CNTNAP5: variants seen among roughly 807,000 people sequenced by gnomAD.
CNTNAP5 encodes contactin-associated protein-like 5.
In CNTNAP5, 72 loss-of-function variants were observed where a neutral mutation model predicts 150.2. The observed-to-expected ratio is 0.48, with a 90% confidence interval of 0.40 to 0.58. The LOEUF is 0.58. Among genes scored for constraint, CNTNAP5 ranks in the 20% least tolerant of loss-of-function variants. The probability of loss-of-function intolerance (pLI) is 0.00; values close to 1 mark genes in which losing one functional copy is unlikely to be tolerated. For synonymous variants in CNTNAP5, 672 were observed against 619.8 expected, an observed-to-expected ratio of 1.08 and a Z score of -1.25; for missense variants, 1,636 against 1,626.2, an observed-to-expected ratio of 1.01 and a Z score of -0.10.
At chr2:124,125,243 A>G (rs1683661356) in intron 1 of CNTNAP5, among the ~76,000 whole-genome samples, 1 of 152,220 alleles carries the variant, frequency 6.6e-6, no homozygotes, top group Non-Finnish European at 1.5e-5. Context: ...GGAGAACAAA[A>G]AAAAGCAAGG....
At chr2:124,174,249 A>C (rs1685009263) in intron 1 of CNTNAP5, among the ~76,000 whole-genome samples, 1 of 152,198 alleles carries the variant, frequency 6.6e-6, no homozygotes, top group Non-Finnish European at 1.5e-5. Context: ...TCTGCAGCCC[A>C]TGGATCAAGT....
At chr2:124,561,488 A>C (rs546318218) in intron 10 of CNTNAP5, among the ~76,000 whole-genome samples, 1 of 152,266 alleles carries the variant, frequency 6.6e-6, no homozygotes, top group Admixed American at 6.5e-5. Context: ...GTGGGTGGGA[A>C]TAAAAAGGAA....
At chr2:124,514,435 C>CT (rs1250182217) in intron 8 of CNTNAP5, among the ~76,000 whole-genome samples, 1 of 152,070 alleles carries the variant, frequency 6.6e-6, no homozygotes, top group Non-Finnish European at 1.5e-5. Flanking sequence ...TATCACTTCC[C>CT]TTTTTCTTTT....
chr2:124,196,464 G>A (rs145806867), intron 1 of CNTNAP5, among the ~76,000 whole-genome samples: 144 of 152,274 alleles, frequency 9.5e-4, no homozygotes, highest in African/African-American at 3.3e-3. Context: ...GAATAACATG[G>A]TATAGTTTGT....
chr2:124,246,912 C>G (rs537586851), intron 3 of CNTNAP5, among the ~76,000 whole-genome samples: 1 of 152,220 alleles, frequency 6.6e-6, no homozygotes, highest in East Asian at 1.9e-4. Flanking sequence ...AAACAGACAG[C>G]CATATAGTCC....
At chr2:124,225,349 T>A (rs1686429565) in intron 2 of CNTNAP5, among the ~76,000 whole-genome samples, 1 of 152,106 alleles carries the variant, frequency 6.6e-6, no homozygotes, top group Admixed American at 6.6e-5. Flanking sequence ...ACCCAAGTGA[T>A]CTGAATCTGT....
At chr2:124,701,810 T>C (rs1040243431) in intron 13 of CNTNAP5, among the ~76,000 whole-genome samples, 4 of 152,292 alleles carry the variant, frequency 2.6e-5, no homozygotes, top group East Asian at 3.9e-4. Flanking sequence ...TTTTTATGTC[T>C]TCTTTGGTGA....
rs192086842 is a variant in CNTNAP5, at chr2:124,458,602, T to C, written c.918+11665T>C. Among the ~76,000 whole-genome samples, 1,332 of 151,946 alleles carry C rather than the reference T, an allele frequency of 8.8e-3. 16 individuals carry two copies. The highest frequency in any genetic ancestry group is 0.015 in the Non-Finnish European group (1,040 of 67,986). On this transcript the variant is annotated intron_variant, in intron 6 of 23. Coordinates refer to ENST00000682447, the MANE Select transcript of CNTNAP5 (RefSeq NM_001367498.1). The stretch of plus-strand genomic sequence containing the variant: ...CTTAGGTTATGAGTGCACCAAAATC[T>C]CACAAATCACCACCAAAGAACTTTC...
intron 3 of CNTNAP5, among the ~76,000 whole-genome samples, chr2:124,415,560 A>G (rs1473645627): frequency 6.6e-6 from 1 of 152,226 alleles, no homozygotes; most frequent in Non-Finnish European, 1.5e-5. Context: ...CACTTTGGTC[A>G]TCTGCGAAAG....
At chr2:124,584,499 T>C (rs6757634) in intron 11 of CNTNAP5, among the ~76,000 whole-genome samples, 76,348 of 151,978 alleles carry the variant, frequency 0.5, 19,659 homozygotes, top group East Asian at 0.72. Context: ...GCTCATGGCA[T>C]ATTTGTTCAT....
chr2:124,481,558 G>A (rs1174711713), intron 7 of CNTNAP5, among the ~76,000 whole-genome samples: 2 of 152,130 alleles, frequency 1.3e-5, no homozygotes, highest in Non-Finnish European at 2.9e-5. Context: ...ACCAGCCAGA[G>A]AGGAAAACAC....
intron 12 of CNTNAP5, among the ~76,000 whole-genome samples, chr2:124,625,334 C>T (rs530439613): frequency 5.4e-4 from 82 of 152,094 alleles, no homozygotes; most frequent in African/African-American, 1.8e-3. Context: ...CAGAGGTTCA[C>T]AAAGCTTAGT....
intron 11 of CNTNAP5, 124 bp from the exon 12 acceptor site, chr2:124,609,677 G>T (rs1677336816): frequency 9.3e-7 from 1 of 1,071,886 alleles, no homozygotes; most frequent in Non-Finnish European, 1.3e-6. Flanking sequence ...TGGGGAAAAA[G>T]TCAAGGATAT....
chr2:124,680,750 T>C (rs1183911496), intron 13 of CNTNAP5: 1 of 151,854 alleles, frequency 6.6e-6, no homozygotes, highest in East Asian at 1.9e-4. Context: ...GACTTCTTGG[T>C]CTGTACATAT....
chr2:124,703,150 C>T (rs1409765465), intron 13 of CNTNAP5, among the ~76,000 whole-genome samples: 2 of 116,828 alleles, frequency 1.7e-5, no homozygotes, highest in African/African-American at 5.9e-5. Context: ...TCCCTTCTTT[C>T]CTCCCTTTCT....
intron 1 of CNTNAP5, among the ~76,000 whole-genome samples, chr2:124,074,608 G>C (rs1267242013): frequency 2.0e-5 from 3 of 152,094 alleles, no homozygotes; most frequent in African/African-American, 7.2e-5. Flanking sequence ...GGGAACCCTT[G>C]CCCTCTCCCT....
intron 19 of CNTNAP5, among the ~76,000 whole-genome samples, chr2:124,809,392 T>G (rs920867380): frequency 1.5e-5 from 2 of 135,352 alleles, no homozygotes; most frequent in East Asian, 3.9e-4. Flanking sequence ...ATTTATTTAT[T>G]TATTTATTTA....
At position 124,719,712 on chromosome 2, in the gene CNTNAP5, A is replaced by G. The variant is rs1478841804; in HGVS notation, c.2078-27517A>G. ...ATATCCCCATTTTTTTTAACTCTCA[A>G]TAATACTGTAATTAATCTTTTTTAT... is the stretch of plus-strand genomic sequence containing the variant. On this transcript the variant is annotated intron_variant, in intron 13 of 23. Coordinates refer to ENST00000682447, the MANE Select transcript of CNTNAP5 (RefSeq NM_001367498.1). Among the ~76,000 whole-genome samples, 3 of 152,096 alleles carry G rather than the reference A, an allele frequency of 2.0e-5. 1 individual carries two copies. Among genetic ancestry groups the G allele is most frequent in the Admixed American group, 6.6e-5 (1 of 15,258 alleles).
rs548173365 is a variant in CNTNAP5 at position 124,335,973 on chromosome 2, G to A, written c.382-81470G>A. Among the ~76,000 whole-genome samples the A allele has an allele frequency of 4.6e-5, 7 of 152,100 alleles. No individual in the cohort carries two copies. The South Asian group carries it at 6.2e-4, about 14-fold the overall frequency. The stretch of plus-strand genomic sequence containing the variant: ...ATTTATGTGGACAAGCTTAGGAGCC[G>A]TACAAAACACGAGACTTCATGAATG... On this transcript the variant is annotated intron_variant, in intron 3 of 23. Transcript: ENST00000682447.
Sources: allele counts gnomAD v4.1 joint callset (sites outside exome capture counted in the v4.1 genomes callset), GRCh38; gene constraint gnomAD v4.1.1; transcripts MANE v1.5; gene names NCBI Gene and HGNC (gene_info 2026-07-23, HGNC 2026-07-21).